ARIH1: variants seen among roughly 807,000 people sequenced by gnomAD.
ARIH1 encodes the protein E3 ubiquitin-protein ligase ARIH1.
In ARIH1, 8 loss-of-function variants were observed where a neutral mutation model predicts 85.0. The observed-to-expected ratio is 0.09, with a 90% CI of 0.06 to 0.17. The LOEUF (loss-of-function observed/expected upper bound fraction) is 0.17, where lower values mean the gene tolerates loss of function less well. Among genes scored for constraint, ARIH1 ranks in the 10% least tolerant of loss-of-function variants. The probability of loss-of-function intolerance (pLI) is 1.00; values close to 1 mark genes in which losing one functional copy is unlikely to be tolerated. For missense variants in ARIH1, 311 were observed against 718.1 expected (o/e 0.43, Z 6.48); for synonymous variants, 238 against 253.6 (o/e 0.94, Z 0.59).
rs562341584 is a variant in ARIH1, at chr15:72,536,435, T to C, written c.444-8385T>C. On this transcript the variant is annotated intron_variant, in intron 2 of 13. Coordinates refer to ENST00000379887, the MANE Select transcript of ARIH1 (RefSeq NM_005744.5). ...GAAATTTTATTTACCTGCATAGTTTTACATCTACCTTTAAAACTCATGAGA... is the reference window on the plus strand; with the variant it reads ...GAAATTTTATTTACCTGCATAGTTTCACATCTACCTTTAAAACTCATGAGA... Among the ~76,000 whole-genome samples, 5 of 152,292 alleles carry C rather than the reference T, an allele frequency of 3.3e-5. 1 individual carries two copies. The South Asian group carries it at 6.2e-4, about 19-fold the overall frequency.
rs753642795 is a variant in ARIH1 at position 72,558,627 on chromosome 15, TAAC to T, written c.737+2723_737+2725del. On this transcript the variant is annotated intron_variant, in intron 5 of 13. Coordinates refer to ENST00000379887, the MANE Select transcript of ARIH1 (RefSeq NM_005744.5). ...AATAACTATTTTCAATTTGTGATGG[TAAC>T]AAATCTTTGTCAAGAGAATTGTCTT... Among the ~76,000 whole-genome samples the T allele has an allele frequency of 1.3e-4, 20 of 152,342 alleles. No homozygotes were observed. In the East Asian group the frequency reaches 2.9e-3, roughly 22 times the overall value.
intron 1 of ARIH1, among the ~76,000 whole-genome samples, chr15:72,478,819 C>T (rs760986565): frequency 6.6e-6 from 1 of 152,156 alleles, no homozygotes; most frequent in Non-Finnish European, 1.5e-5. Context: ...CTTAGGGGCA[C>T]AGATTGGGTA....
At chr15:72,504,001 G>T (rs191640915) in intron 1 of ARIH1, among the ~76,000 whole-genome samples, 103 of 152,316 alleles carry the variant, frequency 6.8e-4, no homozygotes, top group Middle Eastern at 3.4e-3. Flanking sequence ...GCCTTGTTGC[G>T]TGGGGCAGCC....
rs2064337570 is a variant in ARIH1, at chr15:72,590,317, A to C, written c.*7025A>C. ...CCAAAAGCACCAGCTAAAATTGTAT[A>C]TAGACTGATTAGGGGACTTCCAACC... On this transcript the variant is annotated 3_prime_UTR_variant, in exon 14 of 14. Transcript: ENST00000379887. 1 of 152,244 alleles carries C rather than the reference A, an allele frequency of 6.6e-6. No individual in the cohort carries two copies. The highest frequency in any genetic ancestry group is 2.4e-5 in the African/African-American group (1 of 41,472). The allele number at this position is 152,244 out of a possible 1,614,324, so 9.4% of individuals were successfully genotyped here. A position where few individuals can be genotyped will look rare whatever the true frequency, so the allele number is the denominator to read the frequency against.
chr15:72,498,434 G>T (rs1388941511), intron 1 of ARIH1, among the ~76,000 whole-genome samples: 1 of 152,042 alleles, frequency 6.6e-6, no homozygotes, highest in Non-Finnish European at 1.5e-5. Flanking sequence ...ACTCATATTT[G>T]TGTCTTCTTC....
intron 1 of ARIH1, among the ~76,000 whole-genome samples, chr15:72,479,847 A>G (rs1555483416): frequency 1.3e-5 from 2 of 152,152 alleles, no homozygotes; most frequent in Non-Finnish European, 2.9e-5. Context: ...AGCCTAAACT[A>G]AGGAAGACAG....
chr15:72,481,369 A>C (rs2063816019), intron 1 of ARIH1, among the ~76,000 whole-genome samples: 1 of 152,208 alleles, frequency 6.6e-6, no homozygotes, highest in Admixed American at 6.5e-5. Context: ...GTAGTGATAG[A>C]TTACTACAGA....
intron 5 of ARIH1, among the ~76,000 whole-genome samples, chr15:72,560,238 TAATTAA>T (rs2064192066): frequency 6.6e-6 from 1 of 152,188 alleles, no homozygotes; most frequent in South Asian, 2.1e-4. Context: ...GATAACTGTC[TAATTAA>T]AATTATGATA....
rs2063835665 is a variant in ARIH1 at position 72,485,891 on chromosome 15, T to C, written c.375+10877T>C. Reference sequence around the variant, plus strand: ...TAGAAGAATGAGAATTTATTTAGGTTGACATTATTGGATGAGATAGTAATC... The same window carrying C: ...TAGAAGAATGAGAATTTATTTAGGTCGACATTATTGGATGAGATAGTAATC... On this transcript the variant is annotated intron_variant, in intron 1 of 13. Transcript: ENST00000379887. Among the ~76,000 whole-genome samples the C allele has an allele frequency of 3.3e-5, 5 of 152,204 alleles. No individual in the cohort carries two copies. In the South Asian group the frequency reaches 1.0e-3, roughly 32 times the overall value.
intron 2 of ARIH1, among the ~76,000 whole-genome samples, chr15:72,528,489 G>C (rs2064040027): frequency 6.6e-6 from 1 of 152,138 alleles, no homozygotes; most frequent in Non-Finnish European, 1.5e-5. Context: ...AAGTAAATTT[G>C]GTTTTTCAGA....
At chr15:72,505,271 T>C (rs558314547) in intron 1 of ARIH1, among the ~76,000 whole-genome samples, 5 of 152,342 alleles carry the variant, frequency 3.3e-5, no homozygotes, top group Non-Finnish European at 7.3e-5. Context: ...TTTACAGTTA[T>C]AAATAAAGGT....
Position 72,594,591 on chromosome 15 carries a change from T to G in ARIH1, c.*11299T>G, listed in dbSNP as rs1486912730. The G allele has an allele frequency of 1.3e-5, 2 of 152,136 alleles. No individual in the cohort carries two copies. Among genetic ancestry groups the G allele is most frequent in the Non-Finnish European group, 2.9e-5 (2 of 68,042 alleles). The allele number at this position is 152,136 out of a possible 1,614,324, so 9.4% of individuals were successfully genotyped here. A position where few individuals can be genotyped will look rare whatever the true frequency, so the allele number is the denominator to read the frequency against. ...GTCTTAAACTCCTGAGCTCAAGGGATTCTCATGCCTCAGCCACCCAAGTAG... is the reference window on the plus strand; with the variant it reads ...GTCTTAAACTCCTGAGCTCAAGGGAGTCTCATGCCTCAGCCACCCAAGTAG... On this transcript the variant is annotated 3_prime_UTR_variant, in exon 14 of 14. Transcript: ENST00000379887.
In ARIH1 at chr15:72,555,907, T is replaced by C; in HGVS notation, c.737T>C (p.Met246Thr). The change falls in exon 5 of 14, where the codon ATG becomes ACG. Residue 246 changes from methionine (M) to threonine (T), a missense_variant and splice_region_variant. By Grantham distance (81) the Met-to-Thr change is moderately conservative. Transcript: ENST00000379887. ...ATCTTAGTGGATGACAACACAGTTA[T>C]GTAAGTATTTTTGATAGATTCTGCA... Reference protein sequence around the residue: ...CDILVDDNTVMRLITDSKVKL... With the variant: ...CDILVDDNTVTRLITDSKVKL... The C allele has an allele frequency of 6.2e-7, 1 of 1,610,944 alleles. No individual in the cohort carries two copies. The highest frequency in any genetic ancestry group is 8.5e-7 in the Non-Finnish European group (1 of 1,177,520).
chr15:72,517,420 T>C (rs972490752), intron 1 of ARIH1, among the ~76,000 whole-genome samples: 2 of 152,100 alleles, frequency 1.3e-5, no homozygotes, highest in African/African-American at 4.8e-5. Flanking sequence ...TTTTCCTTTT[T>C]TAAAACAAAT....
In ARIH1 at chr15:72,593,397, T is replaced by G. The variant is rs996853349; in HGVS notation, c.*10105T>G. ...AAAATCCACTTTATCAGTTTTTTAT[T>G]TTATGGTTTTATGACCTCAAAGTCA... On this transcript the variant is annotated 3_prime_UTR_variant, in exon 14 of 14. Coordinates refer to ENST00000379887, the MANE Select transcript of ARIH1 (RefSeq NM_005744.5). The G allele has an allele frequency of 6.6e-6, 1 of 152,178 alleles. No individual in the cohort carries two copies. Among genetic ancestry groups the G allele is most frequent in the African/African-American group, 2.4e-5 (1 of 41,444 alleles). 9.4% of individuals were successfully genotyped at this position (152,178 alleles called of 1,614,324 possible).
At chr15:72,511,496 G>A (rs1322337597) in intron 1 of ARIH1, among the ~76,000 whole-genome samples, 2 of 152,032 alleles carry the variant, frequency 1.3e-5, no homozygotes, top group African/African-American at 4.8e-5. Context: ...GTAGAAATGG[G>A]GTTTCATCAT....
intron 2 of ARIH1, among the ~76,000 whole-genome samples, chr15:72,538,373 T>C (rs1354465587): frequency 6.6e-6 from 1 of 152,118 alleles, no homozygotes; most frequent in African/African-American, 2.4e-5. Context: ...CGCAAATAAA[T>C]AAGTAAATAA....
chr15:72,587,432 T>G lies in ARIH1; in HGVS notation c.*4140T>G, dbSNP rs1307287217. On this transcript the variant is annotated 3_prime_UTR_variant, in exon 14 of 14. Coordinates refer to ENST00000379887, the MANE Select transcript of ARIH1 (RefSeq NM_005744.5). The stretch of plus-strand genomic sequence containing the variant: ...CAGTTTGCAACACAGTAGTTGAGAA[T>G]AAGTGGTTTAGTATGATTTGCTTAA... The G allele has an allele frequency of 6.0e-6, 2 of 334,166 alleles. No homozygotes were observed. The highest frequency in any genetic ancestry group is 5.9e-6 in the Non-Finnish European group (1 of 170,132). The allele number at this position is 334,166 out of a possible 1,614,324, so 20.7% of individuals were successfully genotyped here.
In ARIH1 at chr15:72,479,695, C is replaced by T. The variant is rs183963238; in HGVS notation, c.375+4681C>T. On this transcript the variant is annotated intron_variant, in intron 1 of 13. Coordinates refer to ENST00000379887, the MANE Select transcript of ARIH1 (RefSeq NM_005744.5). ...TGCTGGGATTACAGGCGTGAGCCAC[C>T]GTGCCCAGCCAAATAACTCATTTTA... 6.6e-5 allele frequency among the ~76,000 whole-genome samples: 10 copies of T among 152,018 alleles called. No individual in the cohort carries two copies. The East Asian group carries it at 1.2e-3, about 18-fold the overall frequency.
Sources: gnomAD v4.1 joint callset for allele counts (sites outside exome capture counted in the v4.1 genomes callset) on GRCh38, gnomAD v4.1.1 for gene constraint, MANE v1.5 for transcripts, NCBI Gene and HGNC (gene_info 2026-07-23, HGNC 2026-07-21) for gene names.